The following ARHGAP22 variants were observed in gnomAD, a reference collection of about 807,000 sequenced individuals.
ARHGAP22 encodes the protein Rho GTPase activating protein 22.
In ARHGAP22, 48 loss-of-function variants were observed where a neutral mutation model predicts 59.1. That is an observed-to-expected ratio of 0.81 (90% confidence interval 0.64 to 1.03). The LOEUF (loss-of-function observed/expected upper bound fraction) is 1.03. Among genes scored for constraint, ARHGAP22 ranks in the 50% least tolerant of loss-of-function variants. The pLI, the probability that ARHGAP22 is intolerant of heterozygous loss-of-function variation, is 0.00. For missense variants in ARHGAP22, 1,015 were observed against 958.7 expected (o/e 1.06, Z -0.78); for synonymous variants, 445 against 416.4 (o/e 1.07, Z -0.84).
intron 7 of ARHGAP22, 107 bp from the exon 8 acceptor site, chr10:48,453,532 T>A (rs1177184685): frequency 1.2e-5 from 19 of 1,535,396 alleles, no homozygotes; most frequent in Non-Finnish European, 1.7e-5. Flanking sequence ...CTGCTGCCTG[T>A]GGGCTTTTGC....
rs568410880 is a variant in ARHGAP22 at position 48,641,896 on chromosome 10, A to T, written c.52+10338T>A. Among the ~76,000 whole-genome samples, 10 of 152,370 alleles carry T rather than the reference A, an allele frequency of 6.6e-5. No individual in the cohort carries two copies. In the South Asian group the frequency reaches 2.1e-3, roughly 32 times the overall value. ...TAAGCAACCTCAGCAAAGTCTCAGG[A>T]TACAAAATCAATGTGCAAAAATCAC... On this transcript the variant is annotated intron_variant, in intron 1 of 9. Transcript: ENST00000435790.
In ARHGAP22 at chr10:48,454,130, T is replaced by C; in HGVS notation, c.824A>G (p.Asn275Ser). The change falls in exon 7 of 10, where the codon AAC (asparagine) becomes AGC (serine). Residue 275 changes from asparagine to serine, a missense_variant. Transcript: ENST00000249601. ...CAGGTTGTAATTTGCCTGAGGAAGG[T>C]TGCTCACTTGTTTAGCCAACTCCAG... ...GTLELAKQVS[N>S]LPQANYNLLR... 1 of 1,614,058 alleles carries C rather than the reference T, an allele frequency of 6.2e-7. No individual in the cohort carries two copies. Among genetic ancestry groups the C allele is most frequent in the Non-Finnish European group, 8.5e-7 (1 of 1,179,978 alleles).
At chr10:48,472,904 A>G (rs2133981897) in intron 4 of ARHGAP22, among the ~76,000 whole-genome samples, 1 of 152,352 alleles carries the variant, frequency 6.6e-6, no homozygotes, top group East Asian at 1.9e-4. Flanking sequence ...GGGAATATAA[A>G]ATGGGGCAGC....
chr10:48,646,851 G>A (rs911688140), intron 1 of ARHGAP22, among the ~76,000 whole-genome samples: 4 of 152,104 alleles, frequency 2.6e-5, no homozygotes, highest in Non-Finnish European at 5.9e-5. Flanking sequence ...CATATCAAAA[G>A]CATGATTCAT....
intron 9 of ARHGAP22, among the ~76,000 whole-genome samples, chr10:48,449,926 C>T (rs890884303): frequency 3.3e-5 from 5 of 152,260 alleles, no homozygotes; most frequent in Non-Finnish European, 7.3e-5. Flanking sequence ...GGACCTGCCT[C>T]CAGGGGCCGC....
chr10:48,474,923 C>T (rs1268647282), intron 4 of ARHGAP22, among the ~76,000 whole-genome samples: 3 of 152,198 alleles, frequency 2.0e-5, no homozygotes, highest in Non-Finnish European at 2.9e-5. Flanking sequence ...CTCTGTCCCT[C>T]CTACACCATC....
intron 7 of ARHGAP22, 147 bp from the exon 8 acceptor site, chr10:48,453,572 T>TACA: frequency 1.6e-6 from 2 of 1,242,254 alleles, no homozygotes; most frequent in Non-Finnish European, 2.3e-6. Context: ...TCTGCCAGGC[T>TACA]CGATGAGGGA....
At chr10:48,434,156 C>T in the ARHGAP22 span, among the ~76,000 whole-genome samples, 5 of 152,138 alleles carry the variant, frequency 3.3e-5, no homozygotes, top group Admixed American at 6.5e-5. Flanking sequence ...GTAATACTTT[C>T]GGCAAAGGAA....
intron 2 of ARHGAP22, among the ~76,000 whole-genome samples, chr10:48,579,731 G>T (rs1075809): frequency 6.6e-6 from 1 of 151,992 alleles, no homozygotes; most frequent in African/African-American, 2.4e-5. Flanking sequence ...TCCTTCTTCC[G>T]GACAGTTACA....
intron 1 of ARHGAP22, among the ~76,000 whole-genome samples, chr10:48,614,685 C>T (rs2061014284): frequency 6.6e-6 from 1 of 152,170 alleles, no homozygotes; most frequent in Non-Finnish European, 1.5e-5. Flanking sequence ...CAGGAAAACC[C>T]AGCTGAGTCT....
At chr10:48,484,054 AC>A (rs753618760) in intron 3 of ARHGAP22, among the ~76,000 whole-genome samples, 3 of 152,204 alleles carry the variant, frequency 2.0e-5, no homozygotes, top group Non-Finnish European at 4.4e-5. Flanking sequence ...TGATTTCTGT[AC>A]AGAGAAATGT....
chr10:48,550,345 C>A (rs2056803043), intron 3 of ARHGAP22, among the ~76,000 whole-genome samples: 1 of 152,230 alleles, frequency 6.6e-6, no homozygotes, highest in Non-Finnish European at 1.5e-5. Context: ...AGGAAGGTGT[C>A]TTTCTTACTC....
Position 48,454,102 on chromosome 10 carries a change from G to A in ARHGAP22, c.852C>T (p.Leu284=). The part of the protein sequence containing the change: ...SNLPQANYNL[L]RYICKFLDEV... ...AAGCCGCTTACTTGCAGATGTATCTGAGCAGGTTGTAATTTGCCTGAGGAA... is the reference window on the plus strand; with the variant it reads ...AAGCCGCTTACTTGCAGATGTATCTAAGCAGGTTGTAATTTGCCTGAGGAA... The change falls in exon 7 of 10, where the codon CTC becomes CTT. Residue 284 remains leucine, a synonymous_variant. Coordinates refer to ENST00000249601, the MANE Select transcript of ARHGAP22 (RefSeq NM_021226.4). The A allele has an allele frequency of 6.2e-7, 1 of 1,614,038 alleles. No individual in the cohort carries two copies. The highest frequency in any genetic ancestry group is 8.5e-7 in the Non-Finnish European group (1 of 1,179,940).
At chr10:48,550,342 T>C (rs2056802518) in intron 3 of ARHGAP22, among the ~76,000 whole-genome samples, 1 of 152,208 alleles carries the variant, frequency 6.6e-6, no homozygotes, top group African/African-American at 2.4e-5. Flanking sequence ...GGTAGGAAGG[T>C]GTCTTTCTTA....
intron 5 of ARHGAP22, among the ~76,000 whole-genome samples, chr10:48,459,334 GAGAC>G (rs1481377333): frequency 7.7e-6 from 1 of 130,244 alleles, no homozygotes; most frequent in African/African-American, 2.7e-5. Context: ...GCACGGCCAA[GAGAC>G]AGACCCCGCA....
intron 2 of ARHGAP22, among the ~76,000 whole-genome samples, chr10:48,571,121 T>C (rs114290658): frequency 2.9e-3 from 438 of 152,334 alleles, no homozygotes; most frequent in African/African-American, 1.0e-2. Flanking sequence ...AGATCATTTC[T>C]GGCCAACTTG....
chr10:48,461,568 T>C (rs1473561717), intron 4 of ARHGAP22, among the ~76,000 whole-genome samples: 1 of 152,210 alleles, frequency 6.6e-6, no homozygotes, highest in Non-Finnish European at 1.5e-5. Flanking sequence ...GAGGAACTTC[T>C]GAGAAAATCT....
chr10:48,547,034 C>G (rs1220666472), intron 3 of ARHGAP22, among the ~76,000 whole-genome samples: 1 of 152,196 alleles, frequency 6.6e-6, no homozygotes, highest in South Asian at 2.1e-4. Flanking sequence ...ACATCCAGCT[C>G]TCCCTGACTC....
intron 1 of ARHGAP22, among the ~76,000 whole-genome samples, chr10:48,629,688 G>T (rs1248822444): frequency 6.6e-6 from 1 of 152,108 alleles, no homozygotes; most frequent in East Asian, 1.9e-4. Flanking sequence ...TAGATGTTTT[G>T]CCTTTCCATA....
Sources: allele counts gnomAD v4.1 joint callset (sites outside exome capture counted in the v4.1 genomes callset), GRCh38; gene constraint gnomAD v4.1.1; transcripts MANE v1.5; gene names NCBI Gene and HGNC (gene_info 2026-07-23, HGNC 2026-07-21).